Variants in CWC27 observed in about 807,000 individuals in gnomAD.
CWC27 encodes the protein spliceosome-associated protein CWC27 homolog.
CWC27 carries 47 observed loss-of-function variants against 63.6 expected under a neutral mutation model. The ratio of observed to expected loss-of-function variants is 0.74; its 90% CI spans 0.58 to 0.94. CWC27 has a LOEUF of 0.94. Among genes scored for constraint, CWC27 ranks in the 40% least tolerant of loss-of-function variants. The probability of loss-of-function intolerance (pLI) is 0.00; values close to 1 mark genes in which losing one functional copy is unlikely to be tolerated. For synonymous variants in CWC27, 175 were observed against 179.8 expected, an observed-to-expected ratio of 0.97 and a Z score of 0.22; for missense variants, 495 against 554.3, an observed-to-expected ratio of 0.89 and a Z score of 1.07.
intron 10 of CWC27, among the ~76,000 whole-genome samples, chr5:64,864,028 G>A (rs1746478695): frequency 6.6e-6 from 1 of 152,046 alleles, no homozygotes; most frequent in South Asian, 2.1e-4. Flanking sequence ...ATCAACTGAG[G>A]CTTTGATTAT....
intron 10 of CWC27, among the ~76,000 whole-genome samples, chr5:64,819,258 T>G (rs1045307366): frequency 1.3e-5 from 2 of 152,122 alleles, no homozygotes; most frequent in Non-Finnish European, 2.9e-5. Context: ...AAAAGGGACA[T>G]CATACTGGAC....
intron 10 of CWC27, among the ~76,000 whole-genome samples, chr5:64,873,301 G>A (rs1483863898): frequency 2.6e-5 from 4 of 151,962 alleles, no homozygotes; most frequent in African/African-American, 9.7e-5. Flanking sequence ...TTAATAAATT[G>A]AACAATAGTA....
chr5:64,826,698 T>TTTTG (rs1188480819), intron 10 of CWC27, among the ~76,000 whole-genome samples: 5 of 132,414 alleles, frequency 3.8e-5, no homozygotes, highest in African/African-American at 5.9e-5. Context: ...CTTTGGTGTT[T>TTTTG]TTTTGTTTTT....
At chr5:64,858,234 C>T (rs1429581813) in intron 10 of CWC27, among the ~76,000 whole-genome samples, 6 of 144,128 alleles carry the variant, frequency 4.2e-5, no homozygotes, top group East Asian at 2.0e-4. Flanking sequence ...CCGAGGCGGG[C>T]GGATCACGAG....
At chr5:64,890,944 T>C (rs930372698) in intron 11 of CWC27, among the ~76,000 whole-genome samples, 1 of 152,080 alleles carries the variant, frequency 6.6e-6, no homozygotes, top group Non-Finnish European at 1.5e-5. Flanking sequence ...TTTTTTTAAG[T>C]GTGAGAGAAA....
chr5:64,866,776 A>G (rs1410373329), intron 10 of CWC27, among the ~76,000 whole-genome samples: 1 of 152,084 alleles, frequency 6.6e-6, no homozygotes, highest in Non-Finnish European at 1.5e-5. Context: ...TATGATTTCA[A>G]TGCTTTAAAT....
intron 10 of CWC27, among the ~76,000 whole-genome samples, chr5:64,880,044 T>A (rs1351788729): frequency 6.6e-6 from 1 of 152,020 alleles, no homozygotes; most frequent in Non-Finnish European, 1.5e-5. Flanking sequence ...TCATTCTGTC[T>A]GTAAATAGCT....
rs1347192673 is a variant in CWC27 at position 64,885,111 on chromosome 5, T to A, written c.939-332T>A. 1.3e-5 allele frequency among the ~76,000 whole-genome samples: 2 copies of A among 152,124 alleles called. 1 individual carries two copies. The highest frequency in any genetic ancestry group is 3.9e-4 in the East Asian group (2 of 5,194). ...TAATGAGTAATATTTATATTAAAAATTTTGTTTTGATCCAGTATCTCCGTA... is the reference window on the plus strand; with the variant it reads ...TAATGAGTAATATTTATATTAAAAAATTTGTTTTGATCCAGTATCTCCGTA... On this transcript the variant is annotated intron_variant, in intron 10 of 13. Transcript: ENST00000381070.
intron 11 of CWC27, among the ~76,000 whole-genome samples, chr5:64,940,666 G>A (rs979498716): frequency 6.6e-6 from 1 of 151,860 alleles, no homozygotes; most frequent in African/African-American, 2.4e-5. Flanking sequence ...TCTAAAAAAG[G>A]GCTTTCCTTT....
At chr5:65,000,244 T>A (rs1337714731) in intron 13 of CWC27, among the ~76,000 whole-genome samples, 1 of 152,094 alleles carries the variant, frequency 6.6e-6, no homozygotes, top group Non-Finnish European at 1.5e-5. Flanking sequence ...AGTACCTTGC[T>A]GGGTGAATAG....
At position 64,885,450 on chromosome 5, in the gene CWC27, C is replaced by G; in HGVS notation, c.946C>G (p.Leu316Val). The G allele has an allele frequency of 6.2e-7, 1 of 1,604,846 alleles. No homozygotes were observed. The highest frequency in any genetic ancestry group is 8.5e-7 in the Non-Finnish European group (1 of 1,175,424). Reference sequence around the variant, plus strand: ...ACTCTTTTTGCTTTATAGTGAAGAGCTCAGAAAAGAAGCAAGACAATTAAA... The same window carrying G: ...ACTCTTTTTGCTTTATAGTGAAGAGGTCAGAAAAGAAGCAAGACAATTAAA... Reference protein sequence around the residue: ...EKKSVSRSEELRKEARQLKRE... With the variant: ...EKKSVSRSEEVRKEARQLKRE... Residue 316 changes from leucine to valine, a missense_variant, in exon 11 of 14, where the codon CTC becomes GTC. Coordinates refer to ENST00000381070, the MANE Select transcript of CWC27 (RefSeq NM_005869.4).
At chr5:64,811,792 T>C (rs1434801289) in intron 10 of CWC27, among the ~76,000 whole-genome samples, 2 of 152,060 alleles carry the variant, frequency 1.3e-5, no homozygotes. Context: ...AATTTAGATA[T>C]GAATATTGAA....
intron 11 of CWC27, among the ~76,000 whole-genome samples, chr5:64,888,403 ATTAT>A (rs1314935983): frequency 1.4e-5 from 2 of 140,860 alleles, no homozygotes; most frequent in African/African-American, 2.7e-5. Context: ...AATAACATAT[ATTAT>A]TTATTATTAT....
At chr5:64,824,760 T>C (rs1174411427) in intron 10 of CWC27, among the ~76,000 whole-genome samples, 4 of 124,520 alleles carry the variant, frequency 3.2e-5, no homozygotes, top group Non-Finnish European at 6.4e-5. Flanking sequence ...TGAGATGGAG[T>C]CTCACTCCGT....
chr5:64,961,781 T>A (rs1048779503), intron 11 of CWC27, among the ~76,000 whole-genome samples: 1 of 152,208 alleles, frequency 6.6e-6, no homozygotes, highest in African/African-American at 2.4e-5. Flanking sequence ...ATTCTAATTT[T>A]GGTCATATCC....
At chr5:64,823,259 G>A (rs1366015569) in intron 10 of CWC27, among the ~76,000 whole-genome samples, 1 of 152,172 alleles carries the variant, frequency 6.6e-6, no homozygotes, top group African/African-American at 2.4e-5. Flanking sequence ...ACACAGTCCA[G>A]TTCTGTCATT....
chr5:64,808,204 C>T lies in CWC27; in HGVS notation c.938+3818C>T, dbSNP rs985867424. 23 of 1,004,996 alleles carry T rather than the reference C, an allele frequency of 2.3e-5. No homozygotes were observed. The African/African-American group carries it at 3.8e-4, about 17-fold the overall frequency. 62.3% of individuals were successfully genotyped at this position (1,004,996 alleles called of 1,614,324 possible). A position where few individuals can be genotyped will look rare whatever the true frequency, so the allele number is the denominator to read the frequency against. ...AGAATCTGCATTCTAACAAGATCCC[C>T]AGGTGATTTTTGTGTGCATTAGTTT... On this transcript the variant is annotated intron_variant, in intron 10 of 13. Coordinates refer to ENST00000381070, the MANE Select transcript of CWC27 (RefSeq NM_005869.4).
At chr5:64,963,502 A>G (rs1369529676) in intron 11 of CWC27, among the ~76,000 whole-genome samples, 2 of 152,230 alleles carry the variant, frequency 1.3e-5, no homozygotes, top group African/African-American at 4.8e-5. Flanking sequence ...ATTATGAAAC[A>G]TGAACGTACT....
At chr5:64,993,610 T>C (rs1200229816) in intron 13 of CWC27, among the ~76,000 whole-genome samples, 1 of 151,834 alleles carries the variant, frequency 6.6e-6, no homozygotes, top group Non-Finnish European at 1.5e-5. Context: ...TTACCTTTTC[T>C]ATGTTGGGAA....
Sources: gnomAD v4.1 joint callset for allele counts (sites outside exome capture counted in the v4.1 genomes callset) on GRCh38, gnomAD v4.1.1 for gene constraint, MANE v1.5 for transcripts, NCBI Gene and HGNC (gene_info 2026-07-23, HGNC 2026-07-21) for gene names.